Variants in NCAM1 observed in about 807,000 individuals in gnomAD.
NCAM1 encodes antigen recognized by monoclonal antibody 5.1H11.
A neutral mutation model predicts 109.8 loss-of-function variants in NCAM1; 14 were observed. The ratio of observed to expected loss-of-function variants is 0.13; its 90% CI spans 0.08 to 0.20. The LOEUF (loss-of-function observed/expected upper bound fraction) is 0.20. NCAM1 is among the 10% of genes least tolerant of loss of function. NCAM1 has a pLI of 1.00. For synonymous variants in NCAM1, 418 were observed against 442.9 expected (o/e 0.94, Z 0.70); for missense variants, 774 against 1,109.9 (o/e 0.70, Z 4.30).
chr11:112,976,641 C>G (rs999064417), intron 1 of NCAM1, among the ~76,000 whole-genome samples: 7 of 151,746 alleles, frequency 4.6e-5, no homozygotes, highest in African/African-American at 1.7e-4. Flanking sequence ...TTCTATAAAA[C>G]CTGAAGGTAT....
intron 1 of NCAM1, among the ~76,000 whole-genome samples, chr11:113,122,485 T>G (rs568724449): frequency 6.6e-6 from 1 of 152,290 alleles, no homozygotes; most frequent in African/African-American, 2.4e-5. Context: ...CTTGTTTTCA[T>G]TAATTAAAAA....
chr11:113,222,645 T>A (rs1743199171), intron 9 of NCAM1, among the ~76,000 whole-genome samples: 1 of 152,226 alleles, frequency 6.6e-6, no homozygotes, highest in Admixed American at 6.5e-5. Context: ...CAGCCACTCT[T>A]AAGCAGCTAC....
intron 1 of NCAM1, among the ~76,000 whole-genome samples, chr11:113,021,881 A>G (rs1391231313): frequency 6.6e-6 from 1 of 152,240 alleles, no homozygotes; most frequent in Non-Finnish European, 1.5e-5. Context: ...GTAGATAATT[A>G]AACTAAGCCA....
Position 113,273,099 on chromosome 11 carries a change from C to A in NCAM1, c.2456+1223C>A. On this transcript the variant is annotated intron_variant, in intron 19 of 19. Transcript: ENST00000316851. This position sits in a 1 kb window ranked among gnomAD's most constrained non-coding sequence, Gnocchi z 6.0. ...TATTGCCCCGCCGGCCACGGCCACG[C>A]CTGACTCAAACTCTGTACCGGCTGG... The A allele has an allele frequency of 2.2e-6, 1 of 456,404 alleles. No homozygotes were observed. The highest frequency in any genetic ancestry group is 4.4e-6 in the Non-Finnish European group (1 of 226,714). 28.3% of individuals were successfully genotyped at this position (456,404 alleles called of 1,614,324 possible).
At chr11:113,088,035 C>T (rs1057246024) in intron 1 of NCAM1, among the ~76,000 whole-genome samples, 1 of 152,128 alleles carries the variant, frequency 6.6e-6, no homozygotes, top group Non-Finnish European at 1.5e-5. Flanking sequence ...CAAGTGGTAG[C>T]GTCATTCTAA....
At chr11:113,044,854 C>A in intron 1 of NCAM1, among the ~76,000 whole-genome samples, 1 of 151,976 alleles carries the variant, frequency 6.6e-6, no homozygotes, top group East Asian at 2.0e-4. Context: ...CGCAGGTTCA[C>A]GCCATTCTCC....
intron 1 of NCAM1, among the ~76,000 whole-genome samples, chr11:113,050,120 TG>T (rs1191935841): frequency 3.0e-5 from 1 of 33,896 alleles, no homozygotes; most frequent in African/African-American, 1.3e-4. Flanking sequence ...TGGTGTGGGG[TG>T]GGGGGCAGAA....
chr11:112,976,195 T>C (rs1190458714), intron 1 of NCAM1, among the ~76,000 whole-genome samples: 1 of 151,950 alleles, frequency 6.6e-6, no homozygotes, highest in Non-Finnish European at 1.5e-5. Flanking sequence ...ATTTTAACAA[T>C]TTATGAATGT....
intron 1 of NCAM1, among the ~76,000 whole-genome samples, chr11:113,160,221 T>C (rs1555104107): frequency 6.6e-6 from 1 of 152,094 alleles, no homozygotes; most frequent in African/African-American, 2.4e-5. Context: ...ACACCAAGCT[T>C]AGGAACGCAG....
chr11:113,238,763 G>A (rs1220343976), intron 14 of NCAM1, among the ~76,000 whole-genome samples: 1 of 152,182 alleles, frequency 6.6e-6, no homozygotes, highest in Non-Finnish European at 1.5e-5. Flanking sequence ...CTGCACCCCT[G>A]TCCTGTAATA....
chr11:113,019,634 A>G (rs752807970), intron 1 of NCAM1, among the ~76,000 whole-genome samples: 14 of 152,194 alleles, frequency 9.2e-5, no homozygotes, highest in Non-Finnish European at 1.9e-4. Context: ...GTCAGATACC[A>G]CTAATAACAT....
chr11:113,025,204 CACTT>C (rs1952499402), intron 1 of NCAM1, among the ~76,000 whole-genome samples: 1 of 152,024 alleles, frequency 6.6e-6, no homozygotes, highest in Non-Finnish European at 1.5e-5. Context: ...ATTTGCTAAA[CACTT>C]AAAGTATACA....
chr11:113,132,549 C>T (rs1941431330), intron 1 of NCAM1, among the ~76,000 whole-genome samples: 2 of 151,582 alleles, frequency 1.3e-5, no homozygotes, highest in Admixed American at 6.6e-5. Flanking sequence ...TAGGCTCAGC[C>T]GCACAGCTTT....
At chr11:113,069,425 G>C (rs1555084848) in intron 1 of NCAM1, among the ~76,000 whole-genome samples, 1 of 152,144 alleles carries the variant, frequency 6.6e-6, no homozygotes, top group African/African-American at 2.4e-5. Context: ...ACAGGGCAAG[G>C]GGTGTTGTAG....
intron 1 of NCAM1, among the ~76,000 whole-genome samples, chr11:113,042,538 G>A (rs1235528772): frequency 6.6e-6 from 1 of 152,090 alleles, no homozygotes; most frequent in Non-Finnish European, 1.5e-5. Context: ...CTTTCCTCCT[G>A]TCCTCATTGA....
At chr11:113,028,649 T>A (rs1257647850) in intron 1 of NCAM1, among the ~76,000 whole-genome samples, 1 of 152,196 alleles carries the variant, frequency 6.6e-6, no homozygotes, top group Non-Finnish European at 1.5e-5. Context: ...AATCAAACAG[T>A]GTATATGCAC....
At chr11:113,210,325 C>T (rs1802300989) in intron 7 of NCAM1, among the ~76,000 whole-genome samples, 1 of 152,258 alleles carries the variant, frequency 6.6e-6, no homozygotes, top group East Asian at 1.9e-4. Context: ...TTATTATCCC[C>T]ATTTTACAAA....
rs1372201286 is a variant in NCAM1 at position 113,274,086 on chromosome 11, A to T, written c.2457-1181A>T. Reference sequence around the variant, plus strand: ...GAAGGCCAAGGTGCCCTTATCAGCCACCCTGGGGCCCCCAGTCGGTGTGTT... The same window carrying T: ...GAAGGCCAAGGTGCCCTTATCAGCCTCCCTGGGGCCCCCAGTCGGTGTGTT... On this transcript the variant is annotated intron_variant, in intron 19 of 19. Coordinates refer to ENST00000316851, the MANE Select transcript of NCAM1 (RefSeq NM_181351.5). This position sits in a 1 kb window ranked among gnomAD's most constrained non-coding sequence, Gnocchi z 4.1. Among the ~76,000 whole-genome samples, 1 of 152,162 alleles carries T rather than the reference A, an allele frequency of 6.6e-6. No individual in the cohort carries two copies. Among genetic ancestry groups the T allele is most frequent in the Non-Finnish European group, 1.5e-5 (1 of 68,028 alleles).
chr11:113,137,649 A>G (rs1555099721), intron 1 of NCAM1, among the ~76,000 whole-genome samples: 1 of 152,238 alleles, frequency 6.6e-6, no homozygotes, highest in East Asian at 1.9e-4. Context: ...TTTAAATGAC[A>G]CACTGCAATT....
Sources: allele counts gnomAD v4.1 joint callset (sites outside exome capture counted in the v4.1 genomes callset), GRCh38; gene constraint gnomAD v4.1.1; non-coding constraint Gnocchi (gnomAD v3.1); transcripts MANE v1.5; gene names NCBI Gene and HGNC (gene_info 2026-07-23, HGNC 2026-07-21).